Variants in TTC6 observed in about 807,000 individuals in gnomAD.
The protein encoded by TTC6 is tetratricopeptide repeat protein 6.
In TTC6, 172 loss-of-function variants were observed where a neutral mutation model predicts 210.4. The observed-to-expected ratio is 0.82, with a 90% CI of 0.72 to 0.93. The LOEUF (loss-of-function observed/expected upper bound fraction) is 0.93, where lower values mean the gene tolerates loss of function less well. Ranked by LOEUF, TTC6 falls within the 40% of genes least tolerant of loss-of-function variation. The pLI is 0.00. For synonymous variants in TTC6, 804 were observed against 819.6 expected (o/e 0.98, Z 0.32); for missense variants, 2,414 against 2,318.1 (o/e 1.04, Z -0.85).
At chr14:37,636,671 G>T (rs979028121) in intron 1 of TTC6, among the ~76,000 whole-genome samples, 1 of 152,128 alleles carries the variant, frequency 6.6e-6, no homozygotes. Flanking sequence ...AAAAGCATCA[G>T]ATCAATTATC....
At position 37,752,096 on chromosome 14, in the gene TTC6, G is replaced by A. The variant is rs1007766515; in HGVS notation, c.3129+871G>A. Among the ~76,000 whole-genome samples, 11 of 151,944 alleles carry A rather than the reference G, an allele frequency of 7.2e-5. No homozygotes were observed. The South Asian group carries it at 1.0e-3, about 14-fold the overall frequency. On this transcript the variant is annotated intron_variant, in intron 13 of 30. Transcript: ENST00000553443. ...CACCTTGGCCTCCCAAAGTGGTGGG[G>A]TTACAGGCGTGAGCCACCGTGCCCG...
At chr14:37,786,554 C>T (rs1157873926) in intron 14 of TTC6, among the ~76,000 whole-genome samples, 2 of 152,200 alleles carry the variant, frequency 1.3e-5, no homozygotes, top group African/African-American at 2.4e-5. Flanking sequence ...AAAGGGAATT[C>T]CCGGACCCCT....
chr14:37,609,259 A>G (rs560748927), intron 2 of TTC6, among the ~76,000 whole-genome samples: 2 of 152,110 alleles, frequency 1.3e-5, no homozygotes, highest in South Asian at 4.2e-4. Flanking sequence ...CAATATATAT[A>G]TATAAAATTA....
chr14:37,729,853 T>G (rs919377451), intron 7 of TTC6, among the ~76,000 whole-genome samples: 1 of 152,166 alleles, frequency 6.6e-6, no homozygotes, highest in Non-Finnish European at 1.5e-5. Context: ...TTTCTATCTA[T>G]GTTTATAGGA....
chr14:37,673,453 AG>A (rs1403946615), intron 1 of TTC6, among the ~76,000 whole-genome samples: 1 of 152,162 alleles, frequency 6.6e-6, no homozygotes, highest in African/African-American at 2.4e-5. Context: ...AAATCATAAA[AG>A]GGTATATTTT....
At chr14:37,807,069 A>G (rs1490842861) in intron 22 of TTC6, among the ~76,000 whole-genome samples, 1 of 152,182 alleles carries the variant, frequency 6.6e-6, no homozygotes, top group Admixed American at 6.5e-5. Context: ...GTTTTCCAAT[A>G]GTGCAGAAAA....
intron 1 of TTC6, among the ~76,000 whole-genome samples, chr14:37,671,430 T>C (rs1404617652): frequency 6.6e-6 from 1 of 152,120 alleles, no homozygotes; most frequent in Non-Finnish European, 1.5e-5. Context: ...TCTTGGACAA[T>C]AGCTACTAGA....
At chr14:37,651,398 T>G (rs1443865365) in intron 1 of TTC6, among the ~76,000 whole-genome samples, 1 of 19,382 alleles carries the variant, frequency 5.2e-5, no homozygotes, top group African/African-American at 3.0e-4. Flanking sequence ...TATATATATA[T>G]ATATATATAT....
At chr14:37,684,869 C>A (rs2095790808) in intron 3 of TTC6, among the ~76,000 whole-genome samples, 2 of 152,126 alleles carry the variant, frequency 1.3e-5, no homozygotes, top group South Asian at 4.1e-4. Context: ...AAGACCTTTT[C>A]TGACATGATT....
At chr14:37,714,444 T>G (rs999279893) in intron 5 of TTC6, among the ~76,000 whole-genome samples, 1 of 151,822 alleles carries the variant, frequency 6.6e-6, no homozygotes, top group Non-Finnish European at 1.5e-5. Context: ...AAAACCATCA[T>G]AAATATTACT....
chr14:37,630,562 T>G (rs115454259), intron 1 of TTC6, among the ~76,000 whole-genome samples: 2,005 of 152,228 alleles, frequency 0.013, 43 homozygotes, highest in African/African-American at 0.046. Context: ...TAGGTTTGAT[T>G]TGGGGTGGAG....
At chr14:37,817,892 G>C (rs765470673) in intron 26 of TTC6, among the ~76,000 whole-genome samples, 1 of 152,246 alleles carries the variant, frequency 6.6e-6, no homozygotes, top group African/African-American at 2.4e-5. Flanking sequence ...GCAGGCAAAT[G>C]CTTCCATCAT....
intron 16 of TTC6, among the ~76,000 whole-genome samples, chr14:37,791,141 G>A (rs954874765): frequency 6.6e-6 from 1 of 152,068 alleles, no homozygotes; most frequent in African/African-American, 2.4e-5. Flanking sequence ...CCAGGCTAGA[G>A]CTTTTTGAAA....
chr14:37,718,663 C>T (rs1232806375), intron 6 of TTC6, among the ~76,000 whole-genome samples: 2 of 152,180 alleles, frequency 1.3e-5, no homozygotes, highest in Admixed American at 6.5e-5. Context: ...TGCAGTGGCT[C>T]ATGCCTGTAA....
chr14:37,613,901 C>T (rs901683380), intron 2 of TTC6, among the ~76,000 whole-genome samples: 1 of 151,936 alleles, frequency 6.6e-6, no homozygotes, highest in Non-Finnish European at 1.5e-5. Context: ...TTTAAAAGAA[C>T]CAACCTTTGA....
chr14:37,809,783 C>T (rs929920974), intron 24 of TTC6, among the ~76,000 whole-genome samples: 2 of 152,080 alleles, frequency 1.3e-5, no homozygotes, highest in East Asian at 3.9e-4. Flanking sequence ...ATTTTGTAAT[C>T]TTACCTACTC....
intron 14 of TTC6, among the ~76,000 whole-genome samples, chr14:37,759,351 G>T (rs1480606171): frequency 1.3e-5 from 2 of 152,082 alleles, no homozygotes; most frequent in Admixed American, 1.3e-4. Flanking sequence ...CTGGCTTGTA[G>T]GGTTTCTGCA....
exon 31 of TTC6, chr14:37,842,295 C>T (rs766303030): frequency 1.9e-6 from 3 of 1,592,980 alleles, no homozygotes; most frequent in Non-Finnish European, 2.6e-6. Context: ...TATATGATTA[C>T]ATAGACTGTG....
At chr14:37,630,186 A>G (rs1456050360) in intron 1 of TTC6, among the ~76,000 whole-genome samples, 1 of 152,140 alleles carries the variant, frequency 6.6e-6, no homozygotes, top group Non-Finnish European at 1.5e-5. Context: ...TATAGATTTT[A>G]GATCTTTCCT....
Sources: allele counts gnomAD v4.1 joint callset (sites outside exome capture counted in the v4.1 genomes callset), GRCh38; gene constraint gnomAD v4.1.1; transcripts MANE v1.5; gene names NCBI Gene and HGNC (gene_info 2026-07-23, HGNC 2026-07-21).